HYKK: variants seen among roughly 807,000 people sequenced by gnomAD.
HYKK encodes hydroxylysine kinase, also known as 5-hydroxy-L-lysine kinase.
A neutral mutation model predicts 29.7 loss-of-function variants in HYKK; 19 were observed. The observed-to-expected ratio is 0.64, with a 90% CI of 0.45 to 0.94. The LOEUF (loss-of-function observed/expected upper bound fraction) is 0.94. Among genes scored for constraint, HYKK ranks in the 40% least tolerant of loss-of-function variants. The probability of loss-of-function intolerance (pLI) is 0.00; values close to 1 mark genes in which losing one functional copy is unlikely to be tolerated. For missense variants in HYKK, 390 were observed against 443.4 expected, an observed-to-expected ratio of 0.88 and a Z score of 1.08; for synonymous variants, 152 against 158.1, an observed-to-expected ratio of 0.96 and a Z score of 0.29.
rs116990850 is a variant in HYKK at position 78,512,812 on chromosome 15, C to T, written c.-5-272C>T. Among the ~76,000 whole-genome samples, 1,330 of 152,212 alleles carry T rather than the reference C, an allele frequency of 8.7e-3. 17 individuals carry two copies. Among genetic ancestry groups the T allele is most frequent in the East Asian group, 0.058 (299 of 5,184 alleles). On this transcript the variant is annotated intron_variant, in intron 1 of 4. Coordinates refer to ENST00000388988, the MANE Select transcript of HYKK (RefSeq NM_001013619.4). ...TAATGGGGGAGGAGGAGGGAATGGA[C>T]GAAGTGATACCAAGGTGCTTTCCTA... is the stretch of plus-strand genomic sequence containing the variant.
chr15:78,507,984 C>T (rs1444765810), intron 1 of HYKK, among the ~76,000 whole-genome samples: 1 of 152,162 alleles, frequency 6.6e-6, no homozygotes, highest in African/African-American at 2.4e-5. Flanking sequence ...GGCGCCTGGC[C>T]GGTGTCTACT....
intron 1 of HYKK, 107 bp from the exon 2 acceptor site, chr15:78,512,977 A>T: frequency 4.7e-6 from 3 of 640,962 alleles, no homozygotes; most frequent in Non-Finnish European, 8.2e-6. Context: ...CAATCAAAAG[A>T]AGTACAGAAT....
intron 3 of HYKK, among the ~76,000 whole-genome samples, chr15:78,520,445 C>G (rs985220338): frequency 1.3e-4 from 20 of 152,124 alleles, no homozygotes; most frequent in African/African-American, 4.8e-4. Context: ...TGACTCTTAA[C>G]GAGCATGCTG....
chr15:78,537,316 A>G (rs759999116), downstream of HYKK: 1 of 665,716 alleles, frequency 1.5e-6, no homozygotes, highest in African/African-American at 1.8e-5. Context: ...GCACCGTGCC[A>G]GGCCCCTAGA....
intron 1 of HYKK, among the ~76,000 whole-genome samples, chr15:78,508,560 T>G (rs2052037831): frequency 1.3e-5 from 2 of 152,028 alleles, no homozygotes; most frequent in Admixed American, 1.3e-4. Context: ...ATCTTGGAGT[T>G]GGAAATCACA....
At chr15:78,518,609 C>A (rs536948916) in intron 3 of HYKK, 32 of 455,242 alleles carry the variant, frequency 7.0e-5, no homozygotes, top group Non-Finnish European at 1.3e-4. Context: ...CCGCGTTACA[C>A]CCCTATTGGC....
intron 4 of HYKK, among the ~76,000 whole-genome samples, chr15:78,529,239 C>T (rs1026067370): frequency 6.6e-6 from 1 of 152,122 alleles, no homozygotes; most frequent in Admixed American, 6.5e-5. Flanking sequence ...ATTGCATATG[C>T]TAGAGTTGGT....
At position 78,533,512 on chromosome 15, in the gene HYKK, T is replaced by C. The variant is rs1382825757; in HGVS notation, c.964T>C (p.Tyr322His). 3 of 1,612,628 alleles carry C rather than the reference T, an allele frequency of 1.9e-6. No individual in the cohort carries two copies. The African/African-American group carries it at 4.0e-5, about 22-fold the overall frequency. The change falls in exon 5 of 5, where the codon TAC becomes CAC. Residue 322 changes from tyrosine (Y) to histidine (H), a missense_variant. Tyr to His is a moderately conservative substitution (Grantham distance 83). Transcript: ENST00000388988. ...TTGTCAGTCACTTGTCATGGCTGCATACTCTTGCCAGCTATACCCAGAGAA... is the reference window on the plus strand; with the variant it reads ...TTGTCAGTCACTTGTCATGGCTGCACACTCTTGCCAGCTATACCCAGAGAA... ...RFCQSLVMAAYSCQLYPENKD... is the reference protein window; with the variant it reads ...RFCQSLVMAAHSCQLYPENKD...
In HYKK at chr15:78,536,419, T is replaced by G. The variant is rs2052364101; in HGVS notation, c.*2749T>G. 1 of 152,096 alleles carries G rather than the reference T, an allele frequency of 6.6e-6. No homozygotes were observed. The highest frequency in any genetic ancestry group is 6.6e-5 in the Admixed American group (1 of 15,262). 9.4% of individuals were successfully genotyped at this position (152,096 alleles called of 1,614,324 possible). ...TTTCTGAAATTTAAGGGACTGTGGT[T>G]TTTATCTAGGTTGACCTCTCAAGCT... On this transcript the variant is annotated 3_prime_UTR_variant, in exon 5 of 5. Transcript: ENST00000388988.
chr15:78,512,447 G>GCTT (rs1221919898), intron 1 of HYKK, among the ~76,000 whole-genome samples: 2 of 145,874 alleles, frequency 1.4e-5, no homozygotes, highest in Admixed American at 7.0e-5. Flanking sequence ...TGTTGCCCAG[G>GCTT]CTAGAGTGTA....
At chr15:78,517,117 T>TTC (rs2052144092) in intron 3 of HYKK, among the ~76,000 whole-genome samples, 2 of 147,082 alleles carry the variant, frequency 1.4e-5, no homozygotes, top group Non-Finnish European at 3.0e-5. Flanking sequence ...TTCTTTTTTT[T>TTC]TTTTTTTTTT....
intron 4 of HYKK, among the ~76,000 whole-genome samples, chr15:78,530,555 G>A (rs1313699317): frequency 6.6e-6 from 1 of 152,152 alleles, no homozygotes; most frequent in Admixed American, 6.5e-5. Context: ...TATCTGTGTT[G>A]TTCAATACAA....
In HYKK at chr15:78,513,160, G is replaced by C. The variant is rs373162675; in HGVS notation, c.72G>C (p.Ala24=). 5 of 1,614,140 alleles carry C rather than the reference G, an allele frequency of 3.1e-6. No individual in the cohort carries two copies. Among genetic ancestry groups the C allele is most frequent in the Non-Finnish European group, 3.4e-6 (4 of 1,179,986 alleles). The part of the protein sequence containing the change: ...KPTFSEEQAS[A]LVESVFGLKV... ...CTTTCAGTGAGGAACAAGCCTCTGC[G>C]TTAGTGGAGTCAGTGTTTGGGTTGA... The change falls in exon 2 of 5, where the codon GCG becomes GCC. Residue 24 remains alanine, a synonymous_variant. Transcript: ENST00000388988.
intron 3 of HYKK, among the ~76,000 whole-genome samples, chr15:78,520,891 G>C (rs1447067627): frequency 1.3e-5 from 2 of 151,594 alleles, no homozygotes; most frequent in Admixed American, 1.3e-4. Flanking sequence ...CTCCCTCCCG[G>C]ATGGGGCGGC....
In HYKK at chr15:78,527,576, C is replaced by T; in HGVS notation, c.661+13C>T. On this transcript the variant is annotated intron_variant, in intron 4 of 4. Transcript: ENST00000388988. ...CATTTTCGAGAATGTGAGTATTCTC[C>T]CAATTAAGTATTTTTCTTGATATTT... The T allele has an allele frequency of 6.2e-7, 1 of 1,609,010 alleles. No homozygotes were observed. The highest frequency in any genetic ancestry group is 8.5e-7 in the Non-Finnish European group (1 of 1,175,998).
intron 2 of HYKK, 48 bp downstream of exon 2, chr15:78,513,473 CT>C: frequency 1.5e-6 from 2 of 1,358,106 alleles, no homozygotes; most frequent in Non-Finnish European, 2.0e-6. Context: ...AGACACATCA[CT>C]GCATTTTGGC....
At chr15:78,518,686 G>A (rs2052160752) in intron 3 of HYKK, 1 of 428,392 alleles carries the variant, frequency 2.3e-6, no homozygotes, top group Admixed American at 2.6e-5. Flanking sequence ...GGGAGGCCGA[G>A]GCAGGTGGAT....
At position 78,527,272 on chromosome 15, in the gene HYKK, T is replaced by C. The variant is rs545863539; in HGVS notation, c.478-108T>C. The C allele has an allele frequency of 6.8e-5, 60 of 883,548 alleles. 1 individual carries two copies. In the South Asian group the frequency reaches 9.0e-4, roughly 13 times the overall value. 54.7% of individuals were successfully genotyped at this position (883,548 alleles called of 1,614,324 possible). ...CTGCACTCCTGCCTGGGCGGCAGAG[T>C]AAGACTCTGTCTCAAAAAAAAAAAA... On this transcript the variant is annotated intron_variant, in intron 3 of 4. Coordinates refer to ENST00000388988, the MANE Select transcript of HYKK (RefSeq NM_001013619.4).
At position 78,513,274 on chromosome 15, in the gene HYKK, T is replaced by C. The variant is rs572259141; in HGVS notation, c.186T>C (p.Tyr62=). Residue 62 remains tyrosine (Y), a synonymous_variant, in exon 2 of 5, where the codon TAT becomes TAC. Transcript: ENST00000388988. The part of the protein sequence containing the change: ...VSKTKDGPTE[Y]VLKISNTKAS... Reference sequence around the variant, plus strand: ...AAACCAAAGATGGCCCAACTGAATATGTCCTCAAAATAAGCAACACCAAGG... The same window carrying C: ...AAACCAAAGATGGCCCAACTGAATACGTCCTCAAAATAAGCAACACCAAGG... 6.2e-7 allele frequency: 1 copy of C among 1,614,216 alleles called. No homozygotes were observed. Among genetic ancestry groups the C allele is most frequent in the Non-Finnish European group, 8.5e-7 (1 of 1,180,046 alleles).
Sources: gnomAD v4.1 joint callset for allele counts (sites outside exome capture counted in the v4.1 genomes callset) on GRCh38, gnomAD v4.1.1 for gene constraint, MANE v1.5 for transcripts, NCBI Gene and HGNC (gene_info 2026-07-23, HGNC 2026-07-21) for gene names.